Variants in ZNF585B observed in about 807,000 individuals in gnomAD.
The protein encoded by ZNF585B is zinc finger protein 41-like protein.
A neutral mutation model predicts 14.0 loss-of-function variants in ZNF585B; 7 were observed. The observed-to-expected ratio is 0.50, with a 90% confidence interval of 0.28 to 0.94. The LOEUF (loss-of-function observed/expected upper bound fraction) is 0.94, where lower values mean the gene tolerates loss of function less well. Among genes scored for constraint, ZNF585B ranks in the 40% least tolerant of loss-of-function variants. The probability of loss-of-function intolerance (pLI) is 0.09; values close to 1 mark genes in which losing one functional copy is unlikely to be tolerated. For missense variants in ZNF585B, 750 were observed against 924.4 expected, an observed-to-expected ratio of 0.81 and a Z score of 2.45; for synonymous variants, 290 against 317.3, an observed-to-expected ratio of 0.91 and a Z score of 0.91.
intron 2 of ZNF585B, among the ~76,000 whole-genome samples, chr19:37,193,024 A>G: frequency 6.6e-6 from 1 of 151,824 alleles, no homozygotes; most frequent in South Asian, 2.1e-4. Flanking sequence ...AATCCCGGCT[A>G]CTTGGGAGAC....
At chr19:37,193,834 T>C (rs1226594266) in intron 2 of ZNF585B, among the ~76,000 whole-genome samples, 1 of 152,132 alleles carries the variant, frequency 6.6e-6, no homozygotes, top group Non-Finnish European at 1.5e-5. Context: ...ACTAACCAAA[T>C]GCACCTTGTG....
Position 37,185,528 on chromosome 19 carries a change from G to C in ZNF585B, c.2009C>G (p.Thr670Ser). ...KPYICSECGK[T>S]FRQKSELITH... Reference sequence around the variant, plus strand: ...AATCAACTCTGACTTCTGTCGAAAGGTCTTCCCACATTCAGAACAAATGTA... The same window carrying C: ...AATCAACTCTGACTTCTGTCGAAAGCTCTTCCCACATTCAGAACAAATGTA... The change falls in exon 5 of 5, where the codon ACC becomes AGC. Residue 670 changes from threonine to serine, a missense_variant. Around this residue, in one of 2 missense-constraint regions of ZNF585B, gnomAD observed 233 missense variants for 354.1 expected, o/e 0.66. Coordinates refer to ENST00000532828, the MANE Select transcript of ZNF585B (RefSeq NM_152279.4). 1 of 1,612,716 alleles carries C rather than the reference G, an allele frequency of 6.2e-7. No homozygotes were observed. The highest frequency in any genetic ancestry group is 8.5e-7 in the Non-Finnish European group (1 of 1,179,584).
chr19:37,190,174 A>G lies in ZNF585B; in HGVS notation c.73-24T>C, dbSNP rs975488341. 6 of 1,613,872 alleles carry G rather than the reference A, an allele frequency of 3.7e-6. No individual in the cohort carries two copies. The African/African-American group carries it at 6.7e-5, about 18-fold the overall frequency. Reference sequence around the variant, plus strand: ...CCCTGTAAGGGCACATTCCTGTTCAATGTGCATAGTCAGCTTTGCACGGTG... The same window carrying G: ...CCCTGTAAGGGCACATTCCTGTTCAGTGTGCATAGTCAGCTTTGCACGGTG... On this transcript the variant is annotated intron_variant, in intron 2 of 4. Transcript: ENST00000532828.
chr19:37,186,769 T>C lies in ZNF585B; in HGVS notation c.768A>G (p.Thr256=), dbSNP rs199971257. The C allele has an allele frequency of 9.3e-6, 15 of 1,614,178 alleles. No homozygotes were observed. Among genetic ancestry groups the C allele is most frequent in the Admixed American group, 3.3e-5 (2 of 60,020 alleles). ...TATGGATTTTCTGATGAATCTTGAG[T>C]GTGGACTTTTGTGTGAACGCTTTGC... ...DCGKAFTQKS[T]LKIHQKIHTG... Residue 256 remains threonine, a synonymous_variant, in exon 5 of 5, where the codon ACA becomes ACG. Coordinates refer to ENST00000532828, the MANE Select transcript of ZNF585B (RefSeq NM_152279.4).
intron 2 of ZNF585B, among the ~76,000 whole-genome samples, chr19:37,201,172 A>G (rs1349709883): frequency 6.6e-6 from 1 of 152,040 alleles, no homozygotes; most frequent in African/African-American, 2.4e-5. Context: ...TAAAAGGAGG[A>G]GCAAAGGCCT....
intron 2 of ZNF585B, among the ~76,000 whole-genome samples, chr19:37,200,969 TAATCCCA>T (rs1169029810): frequency 9.9e-5 from 15 of 151,014 alleles, no homozygotes; most frequent in Admixed American, 8.7e-4. Flanking sequence ...CACACACCTG[TAATCCCA>T]GCTACTCCAG....
At chr19:37,206,080 A>G (rs975696030) in intron 2 of ZNF585B, among the ~76,000 whole-genome samples, 3 of 150,618 alleles carry the variant, frequency 2.0e-5, no homozygotes, top group Non-Finnish European at 3.0e-5. Context: ...AACTCCATCA[A>G]TAAATAAATA....
At chr19:37,201,772 T>C (rs190480829) in intron 2 of ZNF585B, among the ~76,000 whole-genome samples, 1 of 152,356 alleles carries the variant, frequency 6.6e-6, no homozygotes, top group East Asian at 1.9e-4. Flanking sequence ...AATATGTTAC[T>C]AGAATTTCAT....
At chr19:37,189,405 A>G in intron 4 of ZNF585B, 2 of 441,558 alleles carry the variant, frequency 4.5e-6, no homozygotes, top group Non-Finnish European at 8.3e-6. Flanking sequence ...GGAAAAAAAG[A>G]CTGTTACAGA....
At chr19:37,195,343 C>T (rs1467714151) in intron 2 of ZNF585B, among the ~76,000 whole-genome samples, 2 of 25,112 alleles carry the variant, frequency 8.0e-5, no homozygotes, top group Non-Finnish European at 1.4e-4. Flanking sequence ...GAGACTCTGA[C>T]TCAAAAAAAA....
rs550592803 is a variant in ZNF585B at position 37,202,644 on chromosome 19, T to TG, written c.72+4395_72+4396insC. ...AGGTTTTCATATATTTGCATGGTTT[T>TG]TTTTTTTTTTTTTTTGAGATGGAGT... On this transcript the variant is annotated intron_variant, in intron 2 of 4. Transcript: ENST00000532828. Among the ~76,000 whole-genome samples the TG allele has an allele frequency of 3.6e-3, 529 of 148,320 alleles. 3 individuals are homozygous for TG. The highest frequency in any genetic ancestry group is 7.0e-3 in the African/African-American group (281 of 40,264).
intron 2 of ZNF585B, among the ~76,000 whole-genome samples, chr19:37,200,644 G>T (rs1195275778): frequency 1.3e-5 from 2 of 148,204 alleles, no homozygotes; most frequent in South Asian, 2.2e-4. Flanking sequence ...TAGAAAAAAA[G>T]AATTTAATAA....
At chr19:37,194,439 C>A (rs1271709099) in intron 2 of ZNF585B, among the ~76,000 whole-genome samples, 4 of 152,116 alleles carry the variant, frequency 2.6e-5, no homozygotes, top group Non-Finnish European at 5.9e-5. Context: ...CATGGCAAAA[C>A]CCCATCTCTG....
intron 2 of ZNF585B, among the ~76,000 whole-genome samples, chr19:37,205,890 G>T (rs1374578071): frequency 6.6e-6 from 1 of 151,450 alleles, no homozygotes; most frequent in Non-Finnish European, 1.5e-5. Context: ...GACCAGCGTG[G>T]CCCAGATGGT....
chr19:37,198,254 C>T (rs1328043438), intron 2 of ZNF585B, among the ~76,000 whole-genome samples: 2 of 152,070 alleles, frequency 1.3e-5, no homozygotes, highest in African/African-American at 4.8e-5. Context: ...TTACTGCAAC[C>T]TCCGCCTCCC....
intron 2 of ZNF585B, among the ~76,000 whole-genome samples, chr19:37,202,297 C>T (rs746219817): frequency 7.2e-5 from 11 of 152,186 alleles, no homozygotes; most frequent in Non-Finnish European, 1.5e-4. Flanking sequence ...GCCACGGCAC[C>T]CGGCCTCATC....
At chr19:37,199,616 C>A in intron 2 of ZNF585B, 1 of 275,810 alleles carries the variant, frequency 3.6e-6, no homozygotes, top group Non-Finnish European at 7.3e-6. Context: ...ATACTATGAG[C>A]AAAAAGGATA....
chr19:37,207,126 T>C lies in ZNF585B; in HGVS notation c.-15A>G, dbSNP rs762065462. Reference sequence around the variant, plus strand: ...CTAGCTGGCATGGCCACACTGGATCTCAACCCTTTTTGTCTAGGGTGCCTG... The same window carrying C: ...CTAGCTGGCATGGCCACACTGGATCCCAACCCTTTTTGTCTAGGGTGCCTG... On this transcript the variant is annotated 5_prime_UTR_variant, in exon 2 of 5. Transcript: ENST00000532828. The C allele has an allele frequency of 6.2e-7, 1 of 1,614,086 alleles. No homozygotes were observed. The highest frequency in any genetic ancestry group is 1.7e-5 in the Admixed American group (1 of 60,022).
Position 37,209,341 on chromosome 19 carries a change from G to A in ZNF585B, c.-144+1100C>T, listed in dbSNP as rs1032412258. Among the ~76,000 whole-genome samples, 4 of 152,088 alleles carry A rather than the reference G, an allele frequency of 2.6e-5. No homozygotes were observed. In the East Asian group the frequency reaches 7.8e-4, roughly 30 times the overall value. On this transcript the variant is annotated intron_variant, in intron 1 of 4. Coordinates refer to ENST00000532828, the MANE Select transcript of ZNF585B (RefSeq NM_152279.4). ...TGGTCTCGAACTCCTGACCTCAGGT[G>A]ATCTGCCCACCTTGGCCACCCAAAG...
Sources: gnomAD v4.1 joint callset for allele counts (sites outside exome capture counted in the v4.1 genomes callset) on GRCh38, gnomAD v4.1.1 for gene constraint, gnomAD v4.1.1 regional missense constraint, MANE v1.5 for transcripts, NCBI Gene and HGNC (gene_info 2026-07-23, HGNC 2026-07-21) for gene names.